TUSC3: variants seen among roughly 807,000 people sequenced by gnomAD.
TUSC3 encodes tumor suppressor candidate 3.
Under a neutral mutation model 44.8 loss-of-function variants are expected in TUSC3, and 45 were observed. The observed-to-expected ratio is 1.00, with a 90% CI of 0.79 to 1.29. The LOEUF (loss-of-function observed/expected upper bound fraction) is 1.29. Among genes scored for constraint, TUSC3 ranks in the 50% most tolerant of loss-of-function variants. The pLI is 0.00. For synonymous variants in TUSC3, 212 were observed against 152.9 expected, an observed-to-expected ratio of 1.39 and a Z score of -2.85; for missense variants, 519 against 437.9, an observed-to-expected ratio of 1.19 and a Z score of -1.65.
intron 1 of TUSC3, among the ~76,000 whole-genome samples, chr8:15,430,852 C>T (rs1200262001): frequency 1.3e-5 from 2 of 151,666 alleles, no homozygotes; most frequent in African/African-American, 2.4e-5. Flanking sequence ...AACAGAGAGC[C>T]AATTTTATTC....
chr8:15,661,763 G>C (rs1037408480), intron 4 of TUSC3, among the ~76,000 whole-genome samples: 1 of 151,046 alleles, frequency 6.6e-6, no homozygotes, highest in African/African-American at 2.4e-5. Flanking sequence ...GAAAATATTT[G>C]CAAATAATTT....
At chr8:15,770,853 G>A (rs952846086), downstream of TUSC3, among the ~76,000 whole-genome samples, 6 of 152,050 alleles carry the variant, frequency 3.9e-5, no homozygotes, top group South Asian at 2.1e-4. Flanking sequence ...AAGAGTACCC[G>A]AAGAAATAAT....
chr8:15,636,822 G>T (rs943854364), intron 2 of TUSC3, among the ~76,000 whole-genome samples: 1 of 152,160 alleles, frequency 6.6e-6, no homozygotes, highest in Non-Finnish European at 1.5e-5. Context: ...CCTTTTTGGG[G>T]TCAAGTCTGA....
At chr8:15,523,502 A>G (rs1258491062) in intron 2 of TUSC3, among the ~76,000 whole-genome samples, 4 of 151,826 alleles carry the variant, frequency 2.6e-5, no homozygotes, top group African/African-American at 9.7e-5. Flanking sequence ...GCTTATTCCA[A>G]ATTCTAAGAT....
chr8:15,747,834 A>G lies in TUSC3; in HGVS notation c.938-541A>G, dbSNP rs189173707. Among the ~76,000 whole-genome samples, 30 of 152,188 alleles carry G rather than the reference A, an allele frequency of 2.0e-4. No individual in the cohort carries two copies. In the East Asian group the frequency reaches 5.4e-3, roughly 27 times the overall value. On this transcript the variant is annotated intron_variant, in intron 8 of 10. Coordinates refer to ENST00000503731, the MANE Select transcript of TUSC3 (RefSeq NM_006765.4). Reference sequence around the variant, plus strand: ...CTCCCCTCTGGTTTTCACTTAGACCATATTTTCTCTCTCCAAGCTTTTATT... The same window carrying G: ...CTCCCCTCTGGTTTTCACTTAGACCGTATTTTCTCTCTCCAAGCTTTTATT...
At chr8:15,418,278 C>T (rs539357397) in intron 1 of TUSC3, among the ~76,000 whole-genome samples, 4 of 152,218 alleles carry the variant, frequency 2.6e-5, no homozygotes, top group South Asian at 2.1e-4. Flanking sequence ...AGGTGGTATT[C>T]GTAACTGCAC....
chr8:15,548,239 T>C (rs912519338), intron 1 of TUSC3, among the ~76,000 whole-genome samples: 1 of 151,864 alleles, frequency 6.6e-6, no homozygotes, highest in Non-Finnish European at 1.5e-5. Flanking sequence ...AAACTATTTG[T>C]CTAACTTTTG....
chr8:15,480,273 T>A (rs921799540), intron 1 of TUSC3, among the ~76,000 whole-genome samples: 6 of 152,188 alleles, frequency 3.9e-5, no homozygotes, highest in African/African-American at 1.2e-4. Context: ...AATTTGTAGA[T>A]CATATGCTAT....
chr8:15,468,271 A>T (rs1179783164), intron 1 of TUSC3, among the ~76,000 whole-genome samples: 1 of 152,276 alleles, frequency 6.6e-6, no homozygotes, highest in Admixed American at 6.5e-5. Flanking sequence ...ATGTGAGAGG[A>T]AAAAATTGCG....
chr8:15,527,239 CAG>C (rs1189946363), intron 2 of TUSC3, among the ~76,000 whole-genome samples: 1 of 152,090 alleles, frequency 6.6e-6, no homozygotes, highest in African/African-American at 2.4e-5. Context: ...TATTTAGAGA[CAG>C]AGTCTCACTC....
At chr8:15,791,652 A>G in the TUSC3 span, among the ~76,000 whole-genome samples, 1 of 152,150 alleles carries the variant, frequency 6.6e-6, no homozygotes, top group Non-Finnish European at 1.5e-5. Flanking sequence ...ATACAAAACC[A>G]TTTCCTTTCT....
intron 1 of TUSC3, among the ~76,000 whole-genome samples, chr8:15,470,105 C>CA (rs58643782): frequency 0.26 from 37,809 of 142,874 alleles, 4,866 homozygotes; most frequent in Admixed American, 0.36. Flanking sequence ...AAAAAATTAA[C>CA]AAAAAAAAAA....
chr8:15,583,462 T>C lies in TUSC3; in HGVS notation c.139-39618T>C, dbSNP rs1371241418. ...AATTTGCCAAGTTTAGCTTGGAAAATGAAAAATAATAGGCTTATTATTGTT... is the reference window on the plus strand; with the variant it reads ...AATTTGCCAAGTTTAGCTTGGAAAACGAAAAATAATAGGCTTATTATTGTT... On this transcript the variant is annotated intron_variant, in intron 1 of 10. Coordinates refer to ENST00000503731, the MANE Select transcript of TUSC3 (RefSeq NM_006765.4). Among the ~76,000 whole-genome samples, 3 of 152,148 alleles carry C rather than the reference T, an allele frequency of 2.0e-5. No individual in the cohort carries two copies. The East Asian group carries it at 5.8e-4, about 29-fold the overall frequency.
intron 6 of TUSC3, among the ~76,000 whole-genome samples, chr8:15,727,824 T>C (rs1278922511): frequency 6.6e-6 from 1 of 152,208 alleles, no homozygotes; most frequent in Non-Finnish European, 1.5e-5. Flanking sequence ...TCACTTACAC[T>C]ATTGTATATC....
At chr8:15,832,573 A>T in the TUSC3 span, among the ~76,000 whole-genome samples, 1 of 152,202 alleles carries the variant, frequency 6.6e-6, no homozygotes, top group South Asian at 2.1e-4. Flanking sequence ...GGCTCAAAAT[A>T]AAGATCTGGA....
intron 6 of TUSC3, among the ~76,000 whole-genome samples, chr8:15,708,688 T>C (rs1267922183): frequency 6.6e-6 from 1 of 151,950 alleles, no homozygotes; most frequent in Non-Finnish European, 1.5e-5. Context: ...AAACAGTCAA[T>C]CAACGTTTAT....
the TUSC3 span, among the ~76,000 whole-genome samples, chr8:15,784,282 T>C: frequency 6.6e-6 from 1 of 152,190 alleles, no homozygotes; most frequent in African/African-American, 2.4e-5. Context: ...TAGAAAACAA[T>C]GTGAAGGTTC....
chr8:15,574,536 G>C (rs1803015801), intron 1 of TUSC3, among the ~76,000 whole-genome samples: 1 of 152,068 alleles, frequency 6.6e-6, no homozygotes, highest in Non-Finnish European at 1.5e-5. Flanking sequence ...AGGTTAGGGT[G>C]GGTCTGGACA....
rs577651767 is a variant in TUSC3, at chr8:15,567,852, C to T, written c.138+27284C>T. On this transcript the variant is annotated intron_variant, in intron 1 of 10. Coordinates refer to ENST00000503731, the MANE Select transcript of TUSC3 (RefSeq NM_006765.4). The stretch of plus-strand genomic sequence containing the variant: ...GTGGCATATGCCGAACTAAAAAGCA[C>T]TAAAAAATTACTAAGATGAATGCCA... Among the ~76,000 whole-genome samples the T allele has an allele frequency of 7.2e-5, 11 of 152,238 alleles. No homozygotes were observed. The South Asian group carries it at 2.3e-3, about 32-fold the overall frequency.
Sources: gnomAD v4.1 joint callset for allele counts (sites outside exome capture counted in the v4.1 genomes callset) on GRCh38, gnomAD v4.1.1 for gene constraint, MANE v1.5 for transcripts, NCBI Gene and HGNC (gene_info 2026-07-23, HGNC 2026-07-21) for gene names.